Variants in VEZT observed in about 807,000 individuals in gnomAD.
VEZT encodes the protein vezatin, adherens junctions transmembrane protein, also known as vezatin.
A neutral mutation model predicts 79.9 loss-of-function variants in VEZT; 39 were observed. The ratio of observed to expected loss-of-function variants is 0.49; its 90% CI spans 0.38 to 0.64. The LOEUF (loss-of-function observed/expected upper bound fraction) is 0.64, where lower values mean the gene tolerates loss of function less well. Ranked by LOEUF, VEZT falls within the 30% of genes least tolerant of loss-of-function variation. VEZT has a pLI of 0.00. For missense variants in VEZT, 837 were observed against 893.1 expected (o/e 0.94, Z 0.80); for synonymous variants, 325 against 327.6 (o/e 0.99, Z 0.09).
chr12:95,274,633 T>A, intron 6 of VEZT, 109 bp from the exon 7 acceptor site: 1 of 1,215,186 alleles, frequency 8.2e-7, no homozygotes, highest in Non-Finnish European at 1.1e-6. Context: ...GTAAACCTCC[T>A]CATCCAAAAG....
At chr12:95,234,582 A>G (rs1174401814) in intron 1 of VEZT, among the ~76,000 whole-genome samples, 1 of 152,178 alleles carries the variant, frequency 6.6e-6, no homozygotes, top group African/African-American at 2.4e-5. Flanking sequence ...GACATGAGCC[A>G]CCGCGCCAGG....
At chr12:95,286,501 A>G in intron 8 of VEZT, 2 of 554,192 alleles carry the variant, frequency 3.6e-6, no homozygotes, top group South Asian at 1.4e-5. Flanking sequence ...ACCTCTGGCA[A>G]TTCCTCTTGG....
intron 3 of VEZT, among the ~76,000 whole-genome samples, chr12:95,258,867 A>G (rs939990623): frequency 6.6e-6 from 1 of 152,174 alleles, no homozygotes; most frequent in East Asian, 1.9e-4. Context: ...TCTCTTCTTC[A>G]TCCCTAAGGA....
At chr12:95,267,890 A>G (rs1467577133) in intron 5 of VEZT, among the ~76,000 whole-genome samples, 3 of 151,942 alleles carry the variant, frequency 2.0e-5, no homozygotes, top group South Asian at 2.1e-4. Flanking sequence ...ACGTGGTGGC[A>G]CACACCTGTA....
At position 95,264,869 on chromosome 12, in the gene VEZT, C is replaced by CTTTTTTTTT. The variant is rs71078693; in HGVS notation, c.435-1475_435-1467dup. Among the ~76,000 whole-genome samples the CTTTTTTTTT allele has an allele frequency of 2.1e-3, 242 of 113,342 alleles. 1 individual carries two copies. Among genetic ancestry groups the CTTTTTTTTT allele is most frequent in the Non-Finnish European group, 3.3e-3 (185 of 56,120 alleles). 74.4% of individuals were successfully genotyped at this position (113,342 alleles called of 152,430 possible). A position where few individuals can be genotyped will look rare whatever the true frequency, so the allele number is the denominator to read the frequency against. ...TATACTCCCCTCTTTCTTTTCTTTT[C>CTTTTTTTTT]TTTTTTTTTTTTTTTTTTTTTGAGA... On this transcript the variant is annotated intron_variant, in intron 4 of 11. Coordinates refer to ENST00000436874, the MANE Select transcript of VEZT (RefSeq NM_017599.4).
intron 1 of VEZT, among the ~76,000 whole-genome samples, chr12:95,228,310 T>C (rs1665084043): frequency 6.6e-6 from 1 of 152,188 alleles, no homozygotes; most frequent in Non-Finnish European, 1.5e-5. Context: ...AAAGTTATTA[T>C]GCATCTCTGA....
intron 6 of VEZT, among the ~76,000 whole-genome samples, chr12:95,272,373 TG>T (rs1253647497): frequency 9.9e-5 from 15 of 152,174 alleles, no homozygotes; most frequent in Admixed American, 9.8e-4. Flanking sequence ...AAGAGTATGC[TG>T]GTTAGATAGA....
chr12:95,268,932 CCT>C (rs1443398992), intron 5 of VEZT, among the ~76,000 whole-genome samples: 1 of 152,154 alleles, frequency 6.6e-6, no homozygotes, highest in African/African-American at 2.4e-5. Flanking sequence ...CTCAAATTGT[CCT>C]CTCTCACAAA....
intron 7 of VEZT, among the ~76,000 whole-genome samples, chr12:95,278,171 G>T (rs2068185525): frequency 6.6e-6 from 1 of 152,152 alleles, no homozygotes; most frequent in Non-Finnish European, 1.5e-5. Context: ...TTCAGTGCCT[G>T]GTGTAGAGTA....
At chr12:95,260,764 G>A (rs554190097) in intron 3 of VEZT, among the ~76,000 whole-genome samples, 4 of 152,284 alleles carry the variant, frequency 2.6e-5, no homozygotes, top group Admixed American at 2.6e-4. Context: ...GAACCAAATA[G>A]TAAGATCAAT....
intron 11 of VEZT, chr12:95,299,655 ATTACT>A (rs1313387795): frequency 6.6e-6 from 1 of 152,156 alleles, no homozygotes; most frequent in Non-Finnish European, 1.5e-5. Context: ...TATTATCTAG[ATTACT>A]TTAAGCCTTT....
chr12:95,278,555 T>C (rs957285867), intron 7 of VEZT, among the ~76,000 whole-genome samples: 7 of 152,198 alleles, frequency 4.6e-5, no homozygotes, highest in Non-Finnish European at 7.4e-5. Context: ...GTTATTCAGA[T>C]AAGAAATTTA....
At position 95,298,132 on chromosome 12, in the gene VEZT, T is replaced by A. The variant is rs191723582; in HGVS notation, c.1831+1874T>A. Among the ~76,000 whole-genome samples the A allele has an allele frequency of 5.4e-3, 816 of 150,084 alleles. 5 individuals carry two copies. The highest frequency in any genetic ancestry group is 0.014 in the African/African-American group (573 of 40,956). ...GAGACTCTCTCTCAAAAAATAATAA[T>A]AATAATAATAATAATAATAATTCAT... On this transcript the variant is annotated intron_variant, in intron 11 of 11. Transcript: ENST00000436874.
At chr12:95,225,761 C>CAAAAAAAAAAA (rs531470163) in intron 1 of VEZT, among the ~76,000 whole-genome samples, 2 of 40,872 alleles carry the variant, frequency 4.9e-5, no homozygotes, top group Admixed American at 3.7e-4. Context: ...TGTTTCATAG[C>CAAAAAAAAAAA]AAAAAAAAAA....
At chr12:95,286,010 A>C (rs937222604) in intron 8 of VEZT, among the ~76,000 whole-genome samples, 4 of 43,970 alleles carry the variant, frequency 9.1e-5, no homozygotes, top group Non-Finnish European at 2.2e-4. Flanking sequence ...TTTTTTTTTG[A>C]GATAGAGTCT....
chr12:95,227,280 C>T (rs1593041299), intron 1 of VEZT, among the ~76,000 whole-genome samples: 1 of 152,148 alleles, frequency 6.6e-6, no homozygotes, highest in Admixed American at 6.5e-5. Context: ...CTCATCTCAG[C>T]CTCCCAAGTA....
At chr12:95,266,188 T>C (rs2065496885) in intron 4 of VEZT, among the ~76,000 whole-genome samples, 169 bp from the exon 5 acceptor site, 1 of 152,256 alleles carries the variant, frequency 6.6e-6, no homozygotes, top group African/African-American at 2.4e-5. Flanking sequence ...TAAAAATCTT[T>C]CACATCACCT....
rs1566381156 is a variant in VEZT, at chr12:95,302,059, A to ACTACTTAG, written c.*1387_*1394dup. 3 of 152,192 alleles carry ACTACTTAG rather than the reference A, an allele frequency of 2.0e-5. No individual in the cohort carries two copies. The highest frequency in any genetic ancestry group is 4.4e-5 in the Non-Finnish European group (3 of 68,024). 9.4% of individuals were successfully genotyped at this position (152,192 alleles called of 1,614,324 possible). ...AATACCTTAGGTTGGGCCTTGCTTTACTACTTAGAAATAGCTAAATTTCAA... is the reference window on the plus strand; with the variant it reads ...AATACCTTAGGTTGGGCCTTGCTTTACTACTTAGCTACTTAGAAATAGCTAAATTTCAA... On this transcript the variant is annotated 3_prime_UTR_variant, in exon 12 of 12. Transcript: ENST00000436874.
At chr12:95,295,940 A>G in intron 10 of VEZT, 111 bp from the exon 11 acceptor site, 1 of 816,064 alleles carries the variant, frequency 1.2e-6, no homozygotes, top group Non-Finnish European at 1.9e-6. Context: ...ACCTGTGCCA[A>G]ATGCAAGTCC....
Sources: gnomAD v4.1 joint callset for allele counts (sites outside exome capture counted in the v4.1 genomes callset) on GRCh38, gnomAD v4.1.1 for gene constraint, MANE v1.5 for transcripts, NCBI Gene and HGNC (gene_info 2026-07-23, HGNC 2026-07-21) for gene names.